Variants in SEC16B observed in about 807,000 individuals in gnomAD.
SEC16B encodes the protein protein transport protein Sec16B.
A neutral mutation model predicts 141.8 loss-of-function variants in SEC16B; 115 were observed. The ratio of observed to expected loss-of-function variants is 0.81; its 90% CI spans 0.70 to 0.95. The LOEUF is 0.95. SEC16B is among the 40% of genes least tolerant of loss of function. The probability of loss-of-function intolerance (pLI) is 0.00; values close to 1 mark genes in which losing one functional copy is unlikely to be tolerated. For missense variants in SEC16B, 1,291 were observed against 1,312.3 expected (o/e 0.98, Z 0.25); for synonymous variants, 493 against 492.5 (o/e 1.00, Z -0.01).
intron 8 of SEC16B, chr1:177,960,031 T>C: frequency 2.8e-6 from 1 of 355,076 alleles, no homozygotes; most frequent in Non-Finnish European, 5.2e-6. Context: ...GATGCTCCAC[T>C]TTTCTACTAA....
chr1:177,974,443 C>A (rs1233477926), upstream of SEC16B, among the ~76,000 whole-genome samples: 2 of 152,072 alleles, frequency 1.3e-5, no homozygotes, highest in African/African-American at 4.8e-5. Context: ...GAAAGATGGG[C>A]AGATAACCAG....
intron 18 of SEC16B, among the ~76,000 whole-genome samples, chr1:177,938,169 T>C (rs1203064011): frequency 2.0e-5 from 3 of 152,186 alleles, no homozygotes; most frequent in African/African-American, 7.2e-5. Context: ...CTCCGTTCCA[T>C]CAGCCATGAC....
intron 9 of SEC16B, 36 bp from the exon 10 acceptor site, chr1:177,958,398 A>G: frequency 1.4e-6 from 2 of 1,479,672 alleles, no homozygotes; most frequent in East Asian, 4.8e-5. Flanking sequence ...GGAGAATCCT[A>G]TGAGTCCTCA....
At chr1:177,971,094 T>C (rs1653925153), upstream of SEC16B, among the ~76,000 whole-genome samples, 1 of 151,806 alleles carries the variant, frequency 6.6e-6, no homozygotes, top group Non-Finnish European at 1.5e-5. Flanking sequence ...TTTTTTTTTT[T>C]TTCCAAGACA....
At chr1:177,932,043 T>C (rs1018622183) in intron 24 of SEC16B, among the ~76,000 whole-genome samples, 37 of 152,100 alleles carry the variant, frequency 2.4e-4, no homozygotes, top group Admixed American at 2.4e-3. Context: ...AAACATATGT[T>C]TGGAGAAACA....
Position 177,948,482 on chromosome 1 carries a change from C to T in SEC16B, c.1546-540G>A, listed in dbSNP as rs779085119. ...CTATGAAGTCTAGTTCCTACTGCCA[C>T]TTTAAGAATAAGAAAATCAAGCCAA... On this transcript the variant is annotated intron_variant, in intron 12 of 25. Coordinates refer to ENST00000308284, the MANE Select transcript of SEC16B (RefSeq NM_033127.4). 1.0e-5 allele frequency: 13 copies of T among 1,304,106 alleles called. No homozygotes were observed. In the South Asian group the frequency reaches 1.6e-4, roughly 16 times the overall value. 80.8% of individuals were successfully genotyped at this position (1,304,106 alleles called of 1,614,324 possible).
In SEC16B at chr1:177,930,617, G is replaced by A. The variant is rs1281651417; in HGVS notation, c.3039C>T (p.Asn1013=). 2 of 1,613,692 alleles carry A rather than the reference G, an allele frequency of 1.2e-6. No homozygotes were observed. Among genetic ancestry groups the A allele is most frequent in the South Asian group, 1.1e-5 (1 of 90,930 alleles). The change falls in exon 25 of 26, where the codon AAC becomes AAT. Residue 1013 remains asparagine, a synonymous_variant. Transcript: ENST00000308284. ...CAGGTGGAGGAAGAAGAACACCAGG[G>A]TTGGAGCAGAGCTCAAAGGAAACAC... ...PESVSFELCS[N]PGVLLPPPAL...
chr1:177,957,286 GATAA>G (rs1482510534), intron 10 of SEC16B, among the ~76,000 whole-genome samples: 5 of 151,826 alleles, frequency 3.3e-5, no homozygotes, highest in African/African-American at 7.3e-5. Flanking sequence ...TAGTAGAATA[GATAA>G]ATAAAATATG....
Position 177,932,790 on chromosome 1 carries a change from G to A in SEC16B, c.2840C>T (p.Ser947Phe). The A allele has an allele frequency of 1.2e-6, 2 of 1,612,140 alleles. No homozygotes were observed. Among genetic ancestry groups the A allele is most frequent in the South Asian group, 2.2e-5 (2 of 90,446 alleles). The part of the protein sequence containing the change: ...SPDSEETPRA[S>F]SPHQAGLGLS... ...GCCCAGGCCAGCCTGGTGGGGAGAA[G>A]ATGCTCTGGGGGTCTCCTGCTTTGT... The change falls in exon 23 of 26, where the codon TCT becomes TTT. Residue 947 changes from serine (S) to phenylalanine (F), a missense_variant. By Grantham distance (155) the Ser-to-Phe change is radical. Transcript: ENST00000308284.
At chr1:177,946,075 C>G (rs1651679073) in intron 14 of SEC16B, 1 of 547,708 alleles carries the variant, frequency 1.8e-6, no homozygotes, top group South Asian at 2.4e-5. Context: ...CTAACACGGA[C>G]CCACAAGCCT....
rs771993409 is a variant in SEC16B at position 177,964,171 on chromosome 1, C to G, written c.642G>C (p.Lys214Asn). The G allele has an allele frequency of 1.9e-6, 3 of 1,610,666 alleles. No homozygotes were observed. The highest frequency in any genetic ancestry group is 1.7e-6 in the Non-Finnish European group (2 of 1,178,066). Residue 214 changes from lysine to asparagine, a missense_variant and splice_region_variant, in exon 5 of 26, where the codon AAG (lysine) becomes AAC (asparagine). This residue lies in a region of SEC16B where 681 missense variants were observed against 675.5 expected (regional missense o/e 1.01). Coordinates refer to ENST00000308284, the MANE Select transcript of SEC16B (RefSeq NM_033127.4). ...CAGCCCCCACGTCACTTTAGGTTAC[C>G]TTATTTTTCTGGGCCTCAGCAAGCA... The part of the protein sequence containing the change: ...GSLLAEAQKN[K>N]PSLASESNLL...
intron 15 of SEC16B, 139 bp downstream of exon 15, chr1:177,944,422 C>T: frequency 1.5e-6 from 1 of 674,664 alleles, no homozygotes; most frequent in East Asian, 2.6e-5. Context: ...ATCCTACACC[C>T]TCCCACGCTT....
Position 177,932,485 on chromosome 1 carries a change from C to T in SEC16B, c.3012+5G>A. 1 of 1,532,830 alleles carries T rather than the reference C, an allele frequency of 6.5e-7. No homozygotes were observed. The highest frequency in any genetic ancestry group is 8.8e-7 in the Non-Finnish European group (1 of 1,138,910). 95.0% of individuals were successfully genotyped at this position (1,532,830 alleles called of 1,614,324 possible). A position where few individuals can be genotyped will look rare whatever the true frequency, so the allele number is the denominator to read the frequency against. On this transcript the variant is annotated splice_donor_5th_base_variant and intron_variant, in intron 24 of 25. Transcript: ENST00000308284. ...CCGAGGCTCCAGCCCAGGGGGGCCGCTTACCTCTGGTCCAGACAAGCCTCC... is the reference window on the plus strand; with the variant it reads ...CCGAGGCTCCAGCCCAGGGGGGCCGTTTACCTCTGGTCCAGACAAGCCTCC...
chr1:177,933,295 C>A lies in SEC16B; in HGVS notation c.2742G>T (p.Trp914Cys). ...TGGGCTTCGATCGAAACCAGCTGAA[C>A]CAGCCAAACCCTGAGCTCTGGAAGG... is the stretch of plus-strand genomic sequence containing the variant. ...KEHTKSSGFGWFSWFRSKPTK... is the reference protein window; with the variant it reads ...KEHTKSSGFGCFSWFRSKPTK... The change falls in exon 22 of 26, where the codon TGG (tryptophan) becomes TGT (cysteine). Residue 914 changes from tryptophan (W) to cysteine (C), a missense_variant. Physicochemically the swap from Trp to Cys is radical, Grantham distance 215. Coordinates refer to ENST00000308284, the MANE Select transcript of SEC16B (RefSeq NM_033127.4). The A allele has an allele frequency of 8.7e-6, 14 of 1,601,284 alleles. No individual in the cohort carries two copies. Among genetic ancestry groups the A allele is most frequent in the Non-Finnish European group, 1.2e-5 (14 of 1,173,810 alleles).
In SEC16B at chr1:177,960,828, T is replaced by C; in HGVS notation, c.899A>G (p.Asp300Gly). The change falls in exon 7 of 26, where the codon GAC (aspartate) becomes GGC (glycine). Residue 300 changes from aspartate (D) to glycine (G), a missense_variant. Physicochemically the swap from Asp to Gly is moderately conservative, Grantham distance 94. Transcript: ENST00000308284. ...LVHVGPSSPT[D>G]GQAALVELHS... ...CAGTTCAACAAGGGCTGCTTGCCCGTCAGTGGGAGAGCTGGGACCTACATG... is the reference window on the plus strand; with the variant it reads ...CAGTTCAACAAGGGCTGCTTGCCCGCCAGTGGGAGAGCTGGGACCTACATG... The C allele has an allele frequency of 6.2e-7, 1 of 1,613,476 alleles. No homozygotes were observed. The highest frequency in any genetic ancestry group is 1.7e-5 in the Admixed American group (1 of 59,980).
chr1:177,939,524 G>GT (rs1651115134), intron 18 of SEC16B, among the ~76,000 whole-genome samples, 178 bp downstream of exon 18: 1 of 152,246 alleles, frequency 6.6e-6, no homozygotes, highest in Non-Finnish European at 1.5e-5. Context: ...AAGTGTTAGG[G>GT]ATGTGTGAGG....
chr1:177,930,481 C>T (rs1650331553), intron 25 of SEC16B, 64 bp downstream of exon 25: 2 of 1,086,398 alleles, frequency 1.8e-6, no homozygotes, highest in Admixed American at 4.1e-5. Context: ...GGATGATAAA[C>T]CTAGGTCTCC....
At position 177,936,338 on chromosome 1, in the gene SEC16B, G is replaced by A; in HGVS notation, c.2531C>T (p.Ser844Phe). 1 of 1,610,630 alleles carries A rather than the reference G, an allele frequency of 6.2e-7. No individual in the cohort carries two copies. Among genetic ancestry groups the A allele is most frequent in the South Asian group, 1.1e-5 (1 of 89,786 alleles). ...PGENTVSQET[S>F]QPPDGQEVIS... ...GACCTCTTGGCCATCAGGAGGCTGG[G>A]AAGTTTCTTGAGACACTGTGTTCTC... is the stretch of plus-strand genomic sequence containing the variant. Residue 844 changes from serine (S) to phenylalanine (F), a missense_variant, in exon 20 of 26, where the codon TCC (serine) becomes TTC (phenylalanine). This residue lies in a region of SEC16B where 605 missense variants were observed against 614.1 expected (regional missense o/e 0.99). Transcript: ENST00000308284.
Position 177,965,033 on chromosome 1 carries a change from C to A in SEC16B, c.533+14G>T. On this transcript the variant is annotated intron_variant, in intron 4 of 25. Transcript: ENST00000308284. ...ACAACATCATGTCAAACTGGCCTCT[C>A]CTTTCACACTTACTGGAAGTGGGTC... 1 of 1,612,742 alleles carries A rather than the reference C, an allele frequency of 6.2e-7. No homozygotes were observed. The highest frequency in any genetic ancestry group is 2.2e-5 in the East Asian group (1 of 44,840).
Sources: allele counts gnomAD v4.1 joint callset (sites outside exome capture counted in the v4.1 genomes callset), GRCh38; gene constraint gnomAD v4.1.1; regional missense constraint gnomAD v4.1.1; transcripts MANE v1.5; gene names NCBI Gene and HGNC (gene_info 2026-07-23, HGNC 2026-07-21).